The following IL1RAPL2 variants were observed in gnomAD, a reference collection of about 807,000 sequenced individuals.
IL1RAPL2 encodes the protein X-linked interleukin-1 receptor accessory protein-like 2.
IL1RAPL2 carries 3 observed loss-of-function variants against 44.1 expected under a neutral mutation model. The ratio of observed to expected loss-of-function variants is 0.07; its 90% confidence interval spans 0.03 to 0.18. The LOEUF (loss-of-function observed/expected upper bound fraction) is 0.18. Among genes scored for constraint, IL1RAPL2 ranks in the 10% least tolerant of loss-of-function variants. The pLI is 1.00. For missense variants in IL1RAPL2, 391 were observed against 496.4 expected (o/e 0.79, Z 2.02); for synonymous variants, 181 against 178.8 (o/e 1.01, Z -0.10).
intron 2 of IL1RAPL2, among the ~76,000 whole-genome samples, chrX:105,093,164 CAT>C (rs905990581): frequency 6.4e-5 from 7 of 108,658 alleles, no homozygotes; most frequent in African/African-American, 2.4e-4. Context: ...TAAATACCCT[CAT>C]ATGTGCACAC....
intron 2 of IL1RAPL2, among the ~76,000 whole-genome samples, chrX:105,018,863 A>T (rs1237872967): frequency 9.0e-6 from 1 of 111,171 alleles, no homozygotes; most frequent in African/African-American, 3.3e-5. Flanking sequence ...GTTTTTTTCT[A>T]TTTCCAACAC....
intron 1 of IL1RAPL2, among the ~76,000 whole-genome samples, chrX:104,594,203 A>G (rs1453663163): frequency 8.9e-6 from 1 of 112,119 alleles, no homozygotes; most frequent in Non-Finnish European, 1.9e-5. Context: ...TAGCACAGAG[A>G]CTAGCATTTA....
chrX:104,632,503 C>A (rs1929674889), intron 1 of IL1RAPL2, among the ~76,000 whole-genome samples: 1 of 110,485 alleles, frequency 9.1e-6, no homozygotes, highest in Admixed American at 9.7e-5. Flanking sequence ...TTATTTGTAT[C>A]CTCTTTTATT....
chrX:105,373,639 T>C (rs976113596), intron 5 of IL1RAPL2, among the ~76,000 whole-genome samples: 3 of 111,890 alleles, frequency 2.7e-5, no homozygotes, highest in Non-Finnish European at 5.6e-5. Context: ...TCCATGGTTT[T>C]CATAGTTTTA....
intron 2 of IL1RAPL2, among the ~76,000 whole-genome samples, chrX:104,893,787 T>C (rs1923545645): frequency 9.0e-6 from 1 of 111,564 alleles, no homozygotes; most frequent in Admixed American, 9.5e-5. Context: ...CCCATTTACG[T>C]TTAAGGTTAA....
intron 2 of IL1RAPL2, among the ~76,000 whole-genome samples, chrX:105,063,742 C>T (rs144904740): frequency 0.014 from 1,598 of 112,178 alleles, 31 homozygotes; most frequent in African/African-American, 0.048. Flanking sequence ...CTAAGCCATA[C>T]CTGCATTAGG....
chrX:105,255,562 A>G (rs2034306861), intron 4 of IL1RAPL2, among the ~76,000 whole-genome samples: 1 of 111,911 alleles, frequency 8.9e-6, no homozygotes, highest in Non-Finnish European at 1.9e-5. Flanking sequence ...GGCTGAGACA[A>G]TGGGGTTTTC....
At chrX:105,076,601 T>G (rs2032307919) in intron 2 of IL1RAPL2, among the ~76,000 whole-genome samples, 2 of 111,240 alleles carry the variant, frequency 1.8e-5, no homozygotes, top group African/African-American at 6.5e-5. Flanking sequence ...ATATCCTTGT[T>G]AACTTTCTGT....
chrX:104,595,348 C>A (rs1215621431), intron 1 of IL1RAPL2, among the ~76,000 whole-genome samples: 2 of 110,782 alleles, frequency 1.8e-5, no homozygotes, highest in Admixed American at 1.9e-4. Flanking sequence ...TGGCGGGGTG[C>A]AGGAGACAAG....
chrX:105,597,708 C>T (rs1358407605), intron 6 of IL1RAPL2, among the ~76,000 whole-genome samples: 1 of 111,238 alleles, frequency 9.0e-6, no homozygotes, highest in Non-Finnish European at 1.9e-5. Flanking sequence ...CCCACCAGAC[C>T]CCACCTCCAA....
intron 6 of IL1RAPL2, among the ~76,000 whole-genome samples, chrX:105,651,250 C>T (rs1293451489): frequency 9.0e-6 from 1 of 111,198 alleles, no homozygotes; most frequent in Non-Finnish European, 1.9e-5. Context: ...TCTTCTAGGA[C>T]CTGAAAGACA....
At chrX:104,686,082 G>A (rs1041946969) in intron 2 of IL1RAPL2, among the ~76,000 whole-genome samples, 6 of 111,152 alleles carry the variant, frequency 5.4e-5, no homozygotes, top group South Asian at 3.8e-4. Context: ...CTTAGTTACC[G>A]TAAACAAAAT....
intron 6 of IL1RAPL2, among the ~76,000 whole-genome samples, chrX:105,503,460 A>G (rs761300328): frequency 1.8e-5 from 2 of 111,749 alleles, no homozygotes; most frequent in East Asian, 5.7e-4. Context: ...TCTAAATAAG[A>G]GAAAAAAGAA....
At chrX:104,826,446 G>A (rs2147626301) in intron 2 of IL1RAPL2, among the ~76,000 whole-genome samples, 1 of 111,704 alleles carries the variant, frequency 9.0e-6, no homozygotes, top group African/African-American at 3.2e-5. Context: ...TTAATCCTGA[G>A]TTCTAATTTG....
At chrX:104,654,659 C>T (rs1930218448) in intron 1 of IL1RAPL2, among the ~76,000 whole-genome samples, 1 of 111,291 alleles carries the variant, frequency 9.0e-6, no homozygotes, top group Non-Finnish European at 1.9e-5. Context: ...AATGTGGGCT[C>T]TTTTTTAGTT....
intron 5 of IL1RAPL2, among the ~76,000 whole-genome samples, chrX:105,474,072 C>G (rs1202906338): frequency 9.0e-6 from 1 of 111,409 alleles, no homozygotes; most frequent in Non-Finnish European, 1.9e-5. Flanking sequence ...TGCTAATCCC[C>G]TGACCTCAAA....
intron 2 of IL1RAPL2, among the ~76,000 whole-genome samples, chrX:104,733,765 T>A (rs1931966156): frequency 9.0e-6 from 1 of 110,804 alleles, no homozygotes. Context: ...GAATTCATTT[T>A]CATGACCTAG....
At chrX:105,380,942 G>A (rs2035425486) in intron 5 of IL1RAPL2, among the ~76,000 whole-genome samples, 1 of 111,280 alleles carries the variant, frequency 9.0e-6, no homozygotes, top group Non-Finnish European at 1.9e-5. Flanking sequence ...TATCATATTA[G>A]CTATTATTTA....
At chrX:104,608,705 A>T (rs758510521) in intron 1 of IL1RAPL2, among the ~76,000 whole-genome samples, 3 of 82,886 alleles carry the variant, frequency 3.6e-5, no homozygotes, top group African/African-American at 5.2e-5. Context: ...TACTTGGTAG[A>T]TCTTCCCTCC....
Sources: allele counts gnomAD v4.1 joint callset (sites outside exome capture counted in the v4.1 genomes callset), GRCh38; gene constraint gnomAD v4.1.1; transcripts MANE v1.5; gene names NCBI Gene and HGNC (gene_info 2026-07-23, HGNC 2026-07-21).